Variants in PLXNA2 observed in about 807,000 individuals in gnomAD.
PLXNA2 encodes plexin-A2.
PLXNA2 carries 91 observed loss-of-function variants against 193.5 expected under a neutral mutation model. The ratio of observed to expected loss-of-function variants is 0.47; its 90% CI spans 0.40 to 0.56. The LOEUF (loss-of-function observed/expected upper bound fraction) is 0.56. Ranked by LOEUF, PLXNA2 falls within the 20% of genes least tolerant of loss-of-function variation. PLXNA2 has a pLI of 0.00. For missense variants in PLXNA2, 1,995 were observed against 2,503.2 expected (o/e 0.80, Z 4.33); for synonymous variants, 997 against 1,027.3 (o/e 0.97, Z 0.56).
intron 3 of PLXNA2, among the ~76,000 whole-genome samples, chr1:208,174,386 G>A (rs1290027090): frequency 6.7e-6 from 1 of 150,196 alleles, no homozygotes; most frequent in Non-Finnish European, 1.5e-5. Flanking sequence ...AACACAGAAG[G>A]CAGAGTCATA....
In PLXNA2 at chr1:208,082,463, C is replaced by T. The variant is rs145289578; in HGVS notation, c.2344G>A (p.Ala782Thr). The T allele has an allele frequency of 5.6e-6, 9 of 1,613,954 alleles. No homozygotes were observed. The highest frequency in any genetic ancestry group is 1.3e-5 in the African/African-American group (1 of 74,894). ...ATGAAATTGCCGTTCCACACCACAG[C>T]GAAATCCACGGCCAGATTGCTGATG... ...MDISNLAVDFAVVWNGNFIID... is the reference protein window; with the variant it reads ...MDISNLAVDFTVVWNGNFIID... The change falls in exon 11 of 32, where the codon GCT (alanine) becomes ACT (threonine). Residue 782 changes from alanine to threonine, a missense_variant. Ala to Thr is a moderately conservative substitution (Grantham distance 58). Around this residue, in one of 3 missense-constraint regions of PLXNA2, gnomAD observed 1,291 missense variants for 1,673.6 expected, o/e 0.77. Coordinates refer to ENST00000367033, the MANE Select transcript of PLXNA2 (RefSeq NM_025179.4). This position sits in a 1 kb window ranked among gnomAD's most constrained non-coding sequence, Gnocchi z 4.2.
chr1:208,128,626 T>A (rs1376245414), intron 4 of PLXNA2, among the ~76,000 whole-genome samples: 1 of 152,008 alleles, frequency 6.6e-6, no homozygotes, highest in Non-Finnish European at 1.5e-5. Context: ...TCATAGATAT[T>A]TTCCTTTGTT....
At chr1:208,183,432 C>A (rs1339718044) in intron 3 of PLXNA2, among the ~76,000 whole-genome samples, 1 of 152,196 alleles carries the variant, frequency 6.6e-6, no homozygotes, top group Non-Finnish European at 1.5e-5. Context: ...GGTCTGCAGG[C>A]CTCGTTGACT....
At chr1:208,210,992 G>A (rs1213420958) in intron 2 of PLXNA2, among the ~76,000 whole-genome samples, 1 of 152,180 alleles carries the variant, frequency 6.6e-6, no homozygotes, top group African/African-American at 2.4e-5. Flanking sequence ...TTACCAGCAC[G>A]TCACTGGAGC....
chr1:208,105,083 CA>C (rs1667220081), intron 4 of PLXNA2, among the ~76,000 whole-genome samples: 1 of 152,194 alleles, frequency 6.6e-6, no homozygotes, highest in Non-Finnish European at 1.5e-5. Flanking sequence ...AGCCACCCCC[CA>C]CTGTGGAGTC....
chr1:208,191,904 G>T (rs1423872483), intron 3 of PLXNA2, among the ~76,000 whole-genome samples: 1 of 152,138 alleles, frequency 6.6e-6, no homozygotes, highest in Non-Finnish European at 1.5e-5. Flanking sequence ...TGCACACAAA[G>T]CCCCGAGGTG....
chr1:208,193,531 A>C (rs1670251635), intron 3 of PLXNA2, among the ~76,000 whole-genome samples: 1 of 152,226 alleles, frequency 6.6e-6, no homozygotes, highest in Non-Finnish European at 1.5e-5. Context: ...AATGAGATAA[A>C]AATGGGCAAT....
intron 3 of PLXNA2, among the ~76,000 whole-genome samples, chr1:208,182,680 C>T (rs1307891279): frequency 6.6e-6 from 1 of 151,766 alleles, no homozygotes; most frequent in Non-Finnish European, 1.5e-5. Flanking sequence ...AAAACAGGGG[C>T]TCTCCTGCTT....
At chr1:208,106,854 T>A (rs1667285718) in intron 4 of PLXNA2, among the ~76,000 whole-genome samples, 1 of 152,196 alleles carries the variant, frequency 6.6e-6, no homozygotes. Context: ...ACAGTATGTG[T>A]CCGGGCCTTA....
intron 17 of PLXNA2, among the ~76,000 whole-genome samples, chr1:208,049,490 G>A (rs900469026): frequency 5.9e-5 from 9 of 151,902 alleles, no homozygotes; most frequent in African/African-American, 1.2e-4. Flanking sequence ...GGAGGCATGC[G>A]CTCACCTAGC....
chr1:208,200,577 C>CTTTTTTTTTTTTTTTT (rs36026400), intron 3 of PLXNA2, among the ~76,000 whole-genome samples: 4 of 113,998 alleles, frequency 3.5e-5, no homozygotes, highest in Non-Finnish European at 3.4e-5. Context: ...CCCAATCCTT[C>CTTTTTTTTTTTTTTTT]TTTTTTTTTT....
intron 3 of PLXNA2, among the ~76,000 whole-genome samples, chr1:208,147,710 T>C (rs539572741): frequency 6.6e-6 from 1 of 152,224 alleles, no homozygotes; most frequent in South Asian, 2.1e-4. Flanking sequence ...GTGGCGTAAC[T>C]GAGATTCCCA....
At chr1:208,181,708 G>A (rs754262237) in intron 3 of PLXNA2, among the ~76,000 whole-genome samples, 1 of 152,130 alleles carries the variant, frequency 6.6e-6, no homozygotes. Context: ...ACCTCTTTCC[G>A]CCATCTGTAG....
chr1:208,047,891 C>T (rs550652188), intron 17 of PLXNA2, among the ~76,000 whole-genome samples: 1 of 152,338 alleles, frequency 6.6e-6, no homozygotes, highest in South Asian at 2.1e-4. Context: ...AGGGAGTACA[C>T]ATTCCTGCCC....
At chr1:208,164,765 G>C (rs1291639027) in intron 3 of PLXNA2, among the ~76,000 whole-genome samples, 1 of 152,188 alleles carries the variant, frequency 6.6e-6, no homozygotes, top group Admixed American at 6.5e-5. Flanking sequence ...TCCGGCAGCG[G>C]CTCCCTGGGG....
At chr1:208,175,810 C>A (rs1296241542) in intron 3 of PLXNA2, among the ~76,000 whole-genome samples, 18 of 152,178 alleles carry the variant, frequency 1.2e-4, no homozygotes, top group Non-Finnish European at 2.4e-4. Flanking sequence ...TAAGAGAGTG[C>A]CTCAGAAAAC....
chr1:208,046,039 T>C lies in PLXNA2; in HGVS notation c.3334A>G (p.Thr1112Ala), dbSNP rs753354329. 5 of 1,614,114 alleles carry C rather than the reference T, an allele frequency of 3.1e-6. No individual in the cohort carries two copies. Among genetic ancestry groups the C allele is most frequent in the East Asian group, 2.2e-5 (1 of 44,890 alleles). The change falls in exon 18 of 32, where the codon ACT (threonine) becomes GCT (alanine). Residue 1112 changes from threonine (T) to alanine (A), a missense_variant. By Grantham distance (58) the Thr-to-Ala change is moderately conservative. Transcript: ENST00000367033. ...CCAAACTCATCTGGGCGTTCCACAG[T>C]GTCCAGGCCAGGGCGGTAGTCCGTG... ...LTTDYRPGLD[T>A]VERPDEFGFV...
intron 1 of PLXNA2, among the ~76,000 whole-genome samples, chr1:208,240,149 C>G (rs1262600697): frequency 1.3e-5 from 2 of 152,182 alleles, no homozygotes; most frequent in East Asian, 3.9e-4. Context: ...ACTCTTACCC[C>G]GCAAGGACCC....
In PLXNA2 at chr1:208,184,227, AG is replaced by A. The variant is rs371154817; in HGVS notation, c.1371+26052del. Among the ~76,000 whole-genome samples the A allele has an allele frequency of 7.9e-5, 12 of 152,282 alleles. No homozygotes were observed. The South Asian group carries it at 2.5e-3, about 32-fold the overall frequency. ...GGTGGGTTGAGACAGGGAGGAGGGA[AG>A]GGACGGGTAAGAATGTTTATTCTGC... On this transcript the variant is annotated intron_variant, in intron 3 of 31. Coordinates refer to ENST00000367033, the MANE Select transcript of PLXNA2 (RefSeq NM_025179.4).
Sources: allele counts gnomAD v4.1 joint callset (sites outside exome capture counted in the v4.1 genomes callset), GRCh38; gene constraint gnomAD v4.1.1; regional missense constraint gnomAD v4.1.1; non-coding constraint Gnocchi (gnomAD v3.1); transcripts MANE v1.5; gene names NCBI Gene and HGNC (gene_info 2026-07-23, HGNC 2026-07-21).